RNF220: variants seen among roughly 807,000 people sequenced by gnomAD.
RNF220 encodes E3 ubiquitin-protein ligase RNF220.
In RNF220, 7 loss-of-function variants were observed where a neutral mutation model predicts 67.1. The observed-to-expected ratio is 0.10, with a 90% CI of 0.06 to 0.20. The LOEUF (loss-of-function observed/expected upper bound fraction) is 0.20, where lower values mean the gene tolerates loss of function less well. RNF220 is among the 10% of genes least tolerant of loss of function. The pLI, the probability that RNF220 is intolerant of heterozygous loss-of-function variation, is 1.00. For missense variants in RNF220, 565 were observed against 740.3 expected (o/e 0.76, Z 2.75); for synonymous variants, 270 against 283.2 (o/e 0.95, Z 0.47).
At chr1:44,467,054 T>C (rs1488233584) in intron 2 of RNF220, among the ~76,000 whole-genome samples, 1 of 152,236 alleles carries the variant, frequency 6.6e-6, no homozygotes, top group Non-Finnish European at 1.5e-5. Context: ...ACACATTGTT[T>C]AGTGCAGCCA....
intron 2 of RNF220, among the ~76,000 whole-genome samples, chr1:44,503,468 G>A (rs777987163): frequency 1.1e-4 from 16 of 152,048 alleles, no homozygotes; most frequent in Non-Finnish European, 1.5e-4. Context: ...GTCCATGTGT[G>A]CATACATTAG....
chr1:44,441,478 A>G (rs1481557247), intron 2 of RNF220, among the ~76,000 whole-genome samples: 1 of 152,228 alleles, frequency 6.6e-6, no homozygotes, highest in Admixed American at 6.5e-5. Context: ...CAGGAATAAT[A>G]AAGGGTGTAA....
At chr1:44,615,536 T>C (rs933580943) in intron 3 of RNF220, among the ~76,000 whole-genome samples, 11 of 152,188 alleles carry the variant, frequency 7.2e-5, no homozygotes, top group Non-Finnish European at 1.6e-4. Flanking sequence ...TCCTTCCTTC[T>C]ACCTTCTTAC....
chr1:44,414,645 C>T (rs529313819), intron 2 of RNF220, among the ~76,000 whole-genome samples: 4 of 152,138 alleles, frequency 2.6e-5, no homozygotes, highest in South Asian at 4.2e-4. Flanking sequence ...CACAGGAGTA[C>T]GCCTGGGTGG....
At chr1:44,476,189 C>T (rs1447644320) in intron 2 of RNF220, among the ~76,000 whole-genome samples, 2 of 151,786 alleles carry the variant, frequency 1.3e-5, no homozygotes, top group African/African-American at 4.8e-5. Flanking sequence ...GATGCTAGTT[C>T]TGTGGGTGGG....
rs1388928727 is a variant in RNF220 at position 44,621,051 on chromosome 1, G to A, written c.759-1691G>A. On this transcript the variant is annotated intron_variant, in intron 3 of 14. Transcript: ENST00000361799. The surrounding 1 kb of genome is among the most constrained non-coding windows in gnomAD (Gnocchi z 4.8). The stretch of plus-strand genomic sequence containing the variant: ...CTGCCTCAGCCTCCCGAGTAGCTGG[G>A]ATTACAGGCGCCTGCCACCACGCCC... 1.3e-5 allele frequency among the ~76,000 whole-genome samples: 2 copies of A among 152,058 alleles called. No homozygotes were observed. The highest frequency in any genetic ancestry group is 4.1e-4 in the South Asian group (2 of 4,820).
intron 2 of RNF220, among the ~76,000 whole-genome samples, chr1:44,539,541 T>C (rs1661518151): frequency 6.6e-6 from 1 of 152,132 alleles, no homozygotes; most frequent in Non-Finnish European, 1.5e-5. Flanking sequence ...ATCATCATAA[T>C]GCAATGTAAT....
intron 2 of RNF220, among the ~76,000 whole-genome samples, chr1:44,510,551 C>G (rs1437927566): frequency 1.3e-5 from 2 of 152,210 alleles, no homozygotes; most frequent in African/African-American, 2.4e-5. Context: ...ACATCACCCT[C>G]CCTGACTCTT....
intron 2 of RNF220, among the ~76,000 whole-genome samples, chr1:44,574,672 C>T (rs954904300): frequency 5.3e-5 from 8 of 152,108 alleles, no homozygotes; most frequent in Non-Finnish European, 7.4e-5. Flanking sequence ...GGATTCTGCA[C>T]GTTCATTCCT....
intron 1 of RNF220, among the ~76,000 whole-genome samples, chr1:44,411,577 T>C (rs1647963111): frequency 6.6e-6 from 1 of 152,222 alleles, no homozygotes; most frequent in Admixed American, 6.5e-5. Flanking sequence ...ATGTGGTCTC[T>C]GAACATCAGG....
intron 2 of RNF220, among the ~76,000 whole-genome samples, chr1:44,536,211 G>A (rs1324554524): frequency 6.6e-6 from 1 of 152,140 alleles, no homozygotes; most frequent in Non-Finnish European, 1.5e-5. Context: ...TGAGTGGGTG[G>A]CTGTGTTGTG....
At chr1:44,536,782 G>T (rs1661258085) in intron 2 of RNF220, among the ~76,000 whole-genome samples, 1 of 152,176 alleles carries the variant, frequency 6.6e-6, no homozygotes, top group Non-Finnish European at 1.5e-5. Context: ...TCCGCCTGCA[G>T]ATAATTGGCA....
At chr1:44,520,870 A>C (rs2148155909) in intron 2 of RNF220, among the ~76,000 whole-genome samples, 1 of 152,286 alleles carries the variant, frequency 6.6e-6, no homozygotes, top group South Asian at 2.1e-4. Flanking sequence ...ATGCTAATAA[A>C]CTGGGATGAT....
At chr1:44,642,322 C>T (rs1403345553) in intron 8 of RNF220, among the ~76,000 whole-genome samples, 1 of 152,124 alleles carries the variant, frequency 6.6e-6, no homozygotes, top group Non-Finnish European at 1.5e-5. Flanking sequence ...CAACATGGAG[C>T]CAAACAGAGG....
At chr1:44,433,910 C>T (rs936888758) in intron 2 of RNF220, among the ~76,000 whole-genome samples, 2 of 151,950 alleles carry the variant, frequency 1.3e-5, no homozygotes, top group East Asian at 1.9e-4. Flanking sequence ...TGCAGTGAGC[C>T]GAGGTTGTGC....
rs1179286190 is a variant in RNF220 at position 44,543,031 on chromosome 1, G to A, written c.626-71134G>A. 6.6e-5 allele frequency among the ~76,000 whole-genome samples: 10 copies of A among 152,260 alleles called. No individual in the cohort carries two copies. In the East Asian group the frequency reaches 1.7e-3, roughly 26 times the overall value. ...GCGGTGAGCCCAGGCGCCTGCCACC[G>A]GCTGGCCAAGGCTCTGCCTGGAGAC... On this transcript the variant is annotated intron_variant, in intron 2 of 14. Coordinates refer to ENST00000361799, the MANE Select transcript of RNF220 (RefSeq NM_018150.4).
chr1:44,517,508 G>A (rs946209833), intron 2 of RNF220, among the ~76,000 whole-genome samples: 3 of 151,544 alleles, frequency 2.0e-5, no homozygotes, highest in Non-Finnish European at 4.4e-5. Context: ...TGTCATCACC[G>A]ACTTTTCTAT....
intron 2 of RNF220, among the ~76,000 whole-genome samples, chr1:44,547,680 C>T (rs1662283510): frequency 6.6e-6 from 1 of 152,192 alleles, no homozygotes; most frequent in Non-Finnish European, 1.5e-5. Context: ...GAATATAAAG[C>T]TCCAAATCTG....
chr1:44,552,593 CAG>C (rs1441854048), intron 2 of RNF220, among the ~76,000 whole-genome samples: 1 of 24,874 alleles, frequency 4.0e-5, no homozygotes, highest in African/African-American at 1.1e-4. Context: ...TTTTTTGAGA[CAG>C]AGTCTTGCTC....
Sources: allele counts gnomAD v4.1 joint callset (sites outside exome capture counted in the v4.1 genomes callset), GRCh38; gene constraint gnomAD v4.1.1; non-coding constraint Gnocchi (gnomAD v3.1); transcripts MANE v1.5; gene names NCBI Gene and HGNC (gene_info 2026-07-23, HGNC 2026-07-21).